VPS13B: variants seen among roughly 807,000 people sequenced by gnomAD.
The protein encoded by VPS13B is intermembrane lipid transfer protein VPS13B.
In VPS13B, 285 loss-of-function variants were observed where a neutral mutation model predicts 426.4. The observed-to-expected ratio is 0.67, with a 90% CI of 0.61 to 0.74. The LOEUF is 0.74. VPS13B is among the 30% of genes least tolerant of loss of function. The pLI, the probability that VPS13B is intolerant of heterozygous loss-of-function variation, is 0.00. For synonymous variants in VPS13B, 1,676 were observed against 1,676.4 expected (o/e 1.00, Z 0.01); for missense variants, 4,537 against 4,782.6 (o/e 0.95, Z 1.51).
At chr8:99,201,088 T>G (rs34036824) in intron 17 of VPS13B, among the ~76,000 whole-genome samples, 16,516 of 152,084 alleles carry the variant, frequency 0.11, 1,007 homozygotes, top group Non-Finnish European at 0.14. Flanking sequence ...CACTATAATT[T>G]TAGACTATTT....
intron 31 of VPS13B, among the ~76,000 whole-genome samples, chr8:99,569,413 A>C (rs1373473637): frequency 6.6e-6 from 1 of 151,686 alleles, no homozygotes; most frequent in Non-Finnish European, 1.5e-5. Context: ...TGGGTGACAA[A>C]GACAGAGGGA....
chr8:99,191,974 G>A (rs1487535068), intron 16 of VPS13B, among the ~76,000 whole-genome samples: 1 of 152,116 alleles, frequency 6.6e-6, no homozygotes, highest in African/African-American at 2.4e-5. Context: ...GACAAATGGT[G>A]GAGGGTTTGT....
rs144711615 is a variant in VPS13B, at chr8:99,584,331, A to G, written c.5220+6698A>G. 3.4e-3 allele frequency among the ~76,000 whole-genome samples: 516 copies of G among 152,346 alleles called. 1 individual carries two copies. Among genetic ancestry groups the G allele is most frequent in the South Asian group, 8.3e-3 (40 of 4,830 alleles). On this transcript the variant is annotated intron_variant, in intron 33 of 61. Transcript: ENST00000357162. ...GAAAACACCACAGTTGCCTCAAAGT[A>G]GATGTAAGACATCAAGAAGACAATA...
Position 99,569,963 on chromosome 8 carries a change from A to G in VPS13B, c.4950-5695A>G, listed in dbSNP as rs943104152. Among the ~76,000 whole-genome samples the G allele has an allele frequency of 3.3e-5, 5 of 152,218 alleles. No individual in the cohort carries two copies. In the East Asian group the frequency reaches 9.6e-4, roughly 29 times the overall value. On this transcript the variant is annotated intron_variant, in intron 31 of 61. Coordinates refer to ENST00000357162, the MANE Select transcript of VPS13B (RefSeq NM_152564.5). Reference sequence around the variant, plus strand: ...CTCTATATTACTACATGATAGGTACAGATAATTATACCATTTCTTTGTTTA... The same window carrying G: ...CTCTATATTACTACATGATAGGTACGGATAATTATACCATTTCTTTGTTTA...
intron 25 of VPS13B, among the ~76,000 whole-genome samples, chr8:99,488,826 T>G (rs1820437530): frequency 6.6e-6 from 1 of 152,222 alleles, no homozygotes; most frequent in African/African-American, 2.4e-5. Flanking sequence ...TCTCCCATTC[T>G]GTAGGTTGCC....
chr8:99,699,683 G>T lies in VPS13B; in HGVS notation c.6205G>T (p.Asp2069Tyr). The change falls in exon 36 of 62, where the codon GAT becomes TAT. Residue 2069 changes from aspartate to tyrosine, a missense_variant. Asp to Tyr is a radical substitution (Grantham distance 160). This residue lies in a region of VPS13B where 4,311 missense variants were observed against 4,474.3 expected (regional missense o/e 0.96). Transcript: ENST00000357162. Reference sequence around the variant, plus strand: ...GTCCAACACCATGGTGAATAAGGATGATCTTCCAGTCTCCAAATATTACCG... The same window carrying T: ...GTCCAACACCATGGTGAATAAGGATTATCTTCCAGTCTCCAAATATTACCG... ...AMSNTMVNKD[D>Y]LPVSKYYRGK... 1 of 1,614,136 alleles carries T rather than the reference G, an allele frequency of 6.2e-7. No homozygotes were observed. Among genetic ancestry groups the T allele is most frequent in the South Asian group, 1.1e-5 (1 of 91,078 alleles).
At chr8:99,767,481 G>A (rs866398200) in intron 40 of VPS13B, among the ~76,000 whole-genome samples, 1 of 99,850 alleles carries the variant, frequency 1.0e-5, no homozygotes, top group Admixed American at 1.5e-4. Context: ...AGGTGACAAA[G>A]TGCAACTCTC....
At chr8:99,544,344 G>A (rs1823823750) in intron 30 of VPS13B, among the ~76,000 whole-genome samples, 1 of 152,046 alleles carries the variant, frequency 6.6e-6, no homozygotes, top group East Asian at 1.9e-4. Context: ...GGATAGCATT[G>A]GGAGATATAC....
chr8:99,471,787 C>T (rs559696164), intron 24 of VPS13B, among the ~76,000 whole-genome samples: 21 of 152,160 alleles, frequency 1.4e-4, no homozygotes, highest in Admixed American at 1.2e-3. Context: ...CCATGCTACA[C>T]CTGCAGAATT....
At chr8:99,127,527 C>T (rs542711079) in intron 8 of VPS13B, among the ~76,000 whole-genome samples, 2 of 152,226 alleles carry the variant, frequency 1.3e-5, no homozygotes, top group African/African-American at 4.8e-5. Flanking sequence ...TTTCTTCTCC[C>T]ACCACATCTA....
intron 34 of VPS13B, among the ~76,000 whole-genome samples, chr8:99,646,311 C>A (rs755022391): frequency 2.6e-5 from 4 of 151,942 alleles, no homozygotes; most frequent in Non-Finnish European, 4.4e-5. Context: ...GCTAAGGAGT[C>A]CAAGACTAGC....
intron 15 of VPS13B, among the ~76,000 whole-genome samples, chr8:99,158,277 G>A (rs568819736): frequency 6.6e-6 from 1 of 152,318 alleles, no homozygotes; most frequent in South Asian, 2.1e-4. Flanking sequence ...GCTCATGCCT[G>A]TAATCCCAGC....
intron 43 of VPS13B, among the ~76,000 whole-genome samples, chr8:99,805,930 G>GAAATTTTCCTTATTGAT (rs1813373535): frequency 6.6e-6 from 1 of 152,196 alleles, no homozygotes; most frequent in Non-Finnish European, 1.5e-5. Flanking sequence ...TAATAGAAAA[G>GAAATTTTCCTTATTGAT]AGGTGAAAGA....
At chr8:99,250,527 G>C (rs552332285) in intron 17 of VPS13B, among the ~76,000 whole-genome samples, 46 of 151,050 alleles carry the variant, frequency 3.0e-4, no homozygotes, top group African/African-American at 1.1e-3. Context: ...TTTGCCTATG[G>C]CCTATTCTAG....
chr8:99,743,431 C>G (rs1327977186), intron 39 of VPS13B, among the ~76,000 whole-genome samples: 2 of 151,946 alleles, frequency 1.3e-5, no homozygotes, highest in Non-Finnish European at 2.9e-5. Flanking sequence ...CCATCCCCAT[C>G]AAGCTACCAA....
intron 2 of VPS13B, among the ~76,000 whole-genome samples, chr8:99,032,561 G>A (rs1462152201): frequency 1.4e-5 from 2 of 139,978 alleles, no homozygotes; most frequent in Admixed American, 7.5e-5. Context: ...ACAGAGTCTC[G>A]CTCTGTTACC....
At chr8:99,216,077 G>A (rs1020452329) in intron 17 of VPS13B, among the ~76,000 whole-genome samples, 11 of 152,126 alleles carry the variant, frequency 7.2e-5, no homozygotes, top group African/African-American at 2.7e-4. Flanking sequence ...ACTAAGAAAG[G>A]GGTATGAGTA....
chr8:99,422,403 G>C (rs1816425439), intron 21 of VPS13B, among the ~76,000 whole-genome samples: 1 of 152,004 alleles, frequency 6.6e-6, no homozygotes, highest in African/African-American at 2.4e-5. Flanking sequence ...TGCCCATACT[G>C]CTTGGAAATA....
At chr8:99,619,581 A>G (rs1168305236) in intron 33 of VPS13B, among the ~76,000 whole-genome samples, 2 of 152,208 alleles carry the variant, frequency 1.3e-5, no homozygotes, top group Non-Finnish European at 2.9e-5. Flanking sequence ...ATTAAAAATA[A>G]TGTAGTCTGG....
Sources: gnomAD v4.1 joint callset for allele counts (sites outside exome capture counted in the v4.1 genomes callset) on GRCh38, gnomAD v4.1.1 for gene constraint, gnomAD v4.1.1 regional missense constraint, MANE v1.5 for transcripts, NCBI Gene and HGNC (gene_info 2026-07-23, HGNC 2026-07-21) for gene names.